MACROD2: variants seen among roughly 807,000 people sequenced by gnomAD.
The protein encoded by MACROD2 is ADP-ribose glycohydrolase MACROD2.
Under a neutral mutation model 70.4 loss-of-function variants are expected in MACROD2, and 36 were observed. That is an observed-to-expected ratio of 0.51 (90% CI 0.39 to 0.68). The LOEUF (loss-of-function observed/expected upper bound fraction) is 0.68, where lower values mean the gene tolerates loss of function less well. Ranked by LOEUF, MACROD2 falls within the 30% of genes least tolerant of loss-of-function variation. The pLI, the probability that MACROD2 is intolerant of heterozygous loss-of-function variation, is 0.00. For synonymous variants in MACROD2, 172 were observed against 178.8 expected, an observed-to-expected ratio of 0.96 and a Z score of 0.30; for missense variants, 496 against 538.4, an observed-to-expected ratio of 0.92 and a Z score of 0.78.
chr20:14,883,504 C>G lies in MACROD2; in HGVS notation c.418+198545C>G, dbSNP rs1251124339. 2.6e-5 allele frequency among the ~76,000 whole-genome samples: 4 copies of G among 152,092 alleles called. 1 individual carries two copies. Among genetic ancestry groups the G allele is most frequent in the African/African-American group, 9.6e-5 (4 of 41,514 alleles). ...TTTTTCATGCCTTTTTCCCTCTGGG[C>G]TTCCCCTTTCTCTAATAAAACTACT... On this transcript the variant is annotated intron_variant, in intron 5 of 17. Transcript: ENST00000684519.
chr20:15,253,846 C>G lies in MACROD2; in HGVS notation c.540+23785C>G, dbSNP rs1224027351. On this transcript the variant is annotated intron_variant, in intron 6 of 17. Coordinates refer to ENST00000684519, the MANE Select transcript of MACROD2 (RefSeq NM_001351661.2). The stretch of plus-strand genomic sequence containing the variant: ...ACTTCAAATTCTGCAGTCACCGAAG[C>G]AAAATCTGTAACAGGGTGGATTTCA... Among the ~76,000 whole-genome samples the G allele has an allele frequency of 3.9e-5, 6 of 152,282 alleles. No homozygotes were observed. The South Asian group carries it at 8.3e-4, about 21-fold the overall frequency.
chr20:14,056,376 T>A (rs970505963), intron 2 of MACROD2, among the ~76,000 whole-genome samples: 3 of 152,012 alleles, frequency 2.0e-5, no homozygotes, highest in African/African-American at 7.2e-5. Context: ...ATTTTATTCT[T>A]CTGCTTGCTA....
At chr20:14,909,470 A>C (rs1308513248) in intron 5 of MACROD2, among the ~76,000 whole-genome samples, 1 of 152,030 alleles carries the variant, frequency 6.6e-6, no homozygotes, top group African/African-American at 2.4e-5. Flanking sequence ...TGATGCTGAC[A>C]CTGGTTAACA....
intron 10 of MACROD2, among the ~76,000 whole-genome samples, chr20:15,929,348 A>G (rs1040543773): frequency 6.6e-6 from 1 of 152,178 alleles, no homozygotes; most frequent in African/African-American, 2.4e-5. Context: ...CTAGCATTTC[A>G]TTAGCTAAAT....
chr20:14,263,831 G>A lies in MACROD2; in HGVS notation c.271+178103G>A, dbSNP rs980217175. Reference sequence around the variant, plus strand: ...ACACACAACAAAAAGTTAGCTGGGCGTGGTGGCCTGCTAACTTTTACTCCC... The same window carrying A: ...ACACACAACAAAAAGTTAGCTGGGCATGGTGGCCTGCTAACTTTTACTCCC... On this transcript the variant is annotated intron_variant, in intron 3 of 17. Coordinates refer to ENST00000684519, the MANE Select transcript of MACROD2 (RefSeq NM_001351661.2). Among the ~76,000 whole-genome samples the A allele has an allele frequency of 2.8e-4, 42 of 150,512 alleles. 1 individual carries two copies. Among genetic ancestry groups the A allele is most frequent in the Admixed American group, 5.3e-4 (8 of 15,072 alleles).
At position 14,056,652 on chromosome 20, in the gene MACROD2, T is replaced by C. The variant is rs1305934997; in HGVS notation, c.164-28969T>C. ...GAAATGTATGTGTTTACAATTGTTATTTTCCATTTTTAGTATAATATAATC... is the reference window on the plus strand; with the variant it reads ...GAAATGTATGTGTTTACAATTGTTACTTTCCATTTTTAGTATAATATAATC... On this transcript the variant is annotated intron_variant, in intron 2 of 17. Transcript: ENST00000684519. 2.0e-5 allele frequency among the ~76,000 whole-genome samples: 3 copies of C among 151,976 alleles called. No individual in the cohort carries two copies. In the East Asian group the frequency reaches 5.8e-4, roughly 29 times the overall value.
chr20:14,263,972 A>AACACACAC (rs71190124), intron 3 of MACROD2, among the ~76,000 whole-genome samples: 9 of 127,106 alleles, frequency 7.1e-5, no homozygotes, highest in Non-Finnish European at 1.5e-4. Flanking sequence ...ACCCTATCTA[A>AACACACAC]ACACACACAC....
chr20:14,628,899 G>A (rs1482864314), intron 4 of MACROD2: 2 of 152,138 alleles, frequency 1.3e-5, no homozygotes, highest in African/African-American at 4.8e-5. Context: ...CTAAGTTTCC[G>A]TAATCTTTCC....
intron 3 of MACROD2, among the ~76,000 whole-genome samples, chr20:14,266,279 G>C (rs1356570696): frequency 6.6e-6 from 1 of 152,088 alleles, no homozygotes; most frequent in Non-Finnish European, 1.5e-5. Context: ...AAAATGAGGG[G>C]TTAAGTCTAA....
At chr20:14,555,531 C>T (rs781705392) in intron 4 of MACROD2, among the ~76,000 whole-genome samples, 2 of 151,918 alleles carry the variant, frequency 1.3e-5, no homozygotes, top group African/African-American at 4.8e-5. Context: ...GCAAACGGAG[C>T]CCATATGTTA....
chr20:14,846,088 A>G (rs1249874821), intron 5 of MACROD2, among the ~76,000 whole-genome samples: 4 of 152,160 alleles, frequency 2.6e-5, no homozygotes, highest in Non-Finnish European at 5.9e-5. Flanking sequence ...ATGTAGTCAA[A>G]AAAAGTATTT....
chr20:16,006,877 AGAACGACCTC>A (rs1555807244), intron 15 of MACROD2, among the ~76,000 whole-genome samples: 9 of 152,232 alleles, frequency 5.9e-5, no homozygotes, highest in Non-Finnish European at 5.9e-5. Context: ...ACATTTGATT[AGAACGACCTC>A]TTTTTGTCTC....
chr20:14,130,974 G>T (rs2054711087), intron 3 of MACROD2, among the ~76,000 whole-genome samples: 1 of 142,286 alleles, frequency 7.0e-6, no homozygotes, highest in Non-Finnish European at 1.5e-5. Context: ...GCCCAAGCCA[G>T]ACTGAAGTAG....
intron 8 of MACROD2, among the ~76,000 whole-genome samples, chr20:15,682,747 G>T (rs1348378311): frequency 6.6e-6 from 1 of 152,218 alleles, no homozygotes; most frequent in Non-Finnish European, 1.5e-5. Flanking sequence ...TAAAGCATCT[G>T]CGGTTAATGG....
In MACROD2 at chr20:15,095,932, A is replaced by G. The variant is rs181662338; in HGVS notation, c.419-134008A>G. ...AAAAGAGAGATTAAAATAGATTTAG[A>G]AAACAATCAGAATTGTGAGAATATA... is the stretch of plus-strand genomic sequence containing the variant. On this transcript the variant is annotated intron_variant, in intron 5 of 17. Coordinates refer to ENST00000684519, the MANE Select transcript of MACROD2 (RefSeq NM_001351661.2). Among the ~76,000 whole-genome samples, 9 of 152,106 alleles carry G rather than the reference A, an allele frequency of 5.9e-5. 1 individual carries two copies. The highest frequency in any genetic ancestry group is 2.2e-4 in the African/African-American group (9 of 41,418).
At position 15,933,359 on chromosome 20, in the gene MACROD2, A is replaced by G. The variant is rs749993743; in HGVS notation, c.838+21A>G. 3.7e-6 allele frequency: 6 copies of G among 1,610,910 alleles called. No individual in the cohort carries two copies. The Admixed American group carries it at 1.0e-4, about 27-fold the overall frequency. ...TGCAGGTAGGCTCAGATTTCTTTTG[A>G]GAAGTCACCTAGGCCTCATCTGCAG... On this transcript the variant is annotated intron_variant, in intron 11 of 17. Coordinates refer to ENST00000684519, the MANE Select transcript of MACROD2 (RefSeq NM_001351661.2).
chr20:14,300,290 C>G (rs1247793315), intron 3 of MACROD2, among the ~76,000 whole-genome samples: 3 of 152,166 alleles, frequency 2.0e-5, no homozygotes, highest in African/African-American at 7.2e-5. Flanking sequence ...ATGTGAATCT[C>G]ACAACTATTC....
chr20:14,693,205 G>C (rs1230868702), intron 5 of MACROD2, among the ~76,000 whole-genome samples: 6 of 152,162 alleles, frequency 3.9e-5, no homozygotes, highest in African/African-American at 1.2e-4. Context: ...ATCAGCCTTT[G>C]GATGTGTTTA....
chr20:14,004,562 A>G (rs1482152743), intron 2 of MACROD2, among the ~76,000 whole-genome samples: 1 of 152,200 alleles, frequency 6.6e-6, no homozygotes, highest in East Asian at 1.9e-4. Context: ...TTTATATACA[A>G]TACACATTTT....
Sources: gnomAD v4.1 joint callset for allele counts (sites outside exome capture counted in the v4.1 genomes callset) on GRCh38, gnomAD v4.1.1 for gene constraint, MANE v1.5 for transcripts, NCBI Gene and HGNC (gene_info 2026-07-23, HGNC 2026-07-21) for gene names.